The following CSGALNACT1 variants were observed in gnomAD, a reference collection of about 807,000 sequenced individuals.
The protein encoded by CSGALNACT1 is beta4GalNAcT-1.
In CSGALNACT1, 52 loss-of-function variants were observed where a neutral mutation model predicts 51.0. The ratio of observed to expected loss-of-function variants is 1.02; its 90% CI spans 0.82 to 1.29. CSGALNACT1 has a LOEUF of 1.29. Ranked by LOEUF, CSGALNACT1 falls within the 50% of genes most tolerant of loss-of-function variation. The probability of loss-of-function intolerance (pLI) is 0.00; values close to 1 mark genes in which losing one functional copy is unlikely to be tolerated. For missense variants in CSGALNACT1, 935 were observed against 679.2 expected (o/e 1.38, Z -4.19); for synonymous variants, 341 against 254.4 (o/e 1.34, Z -3.24).
chr8:19,453,172 T>G (rs1375296299), intron 5 of CSGALNACT1, among the ~76,000 whole-genome samples: 1 of 151,912 alleles, frequency 6.6e-6, no homozygotes, highest in Non-Finnish European at 1.5e-5. Context: ...TGAAAGAAAA[T>G]GTAACTCAAA....
intron 3 of CSGALNACT1, among the ~76,000 whole-genome samples, chr8:19,516,710 G>A (rs997305141): frequency 2.0e-5 from 3 of 152,198 alleles, no homozygotes; most frequent in East Asian, 1.9e-4. Flanking sequence ...CCCTCCAGCC[G>A]TGTGGCCTCC....
intron 1 of CSGALNACT1, among the ~76,000 whole-genome samples, chr8:19,647,143 T>C (rs1398578650): frequency 6.6e-6 from 1 of 152,100 alleles, no homozygotes; most frequent in African/African-American, 2.4e-5. Flanking sequence ...GGCCTTCCTA[T>C]CAGGCTGGGA....
At chr8:19,698,594 C>T (rs1387570282) in intron 1 of CSGALNACT1, among the ~76,000 whole-genome samples, 2 of 152,158 alleles carry the variant, frequency 1.3e-5, no homozygotes, top group East Asian at 3.8e-4. Flanking sequence ...GGAGGCACTA[C>T]TGATACTGCT....
chr8:19,447,963 G>A (rs1258881989), intron 5 of CSGALNACT1, among the ~76,000 whole-genome samples: 1 of 152,230 alleles, frequency 6.6e-6, no homozygotes, highest in East Asian at 1.9e-4. Context: ...CATGCTGGTG[G>A]TGGGTACGGT....
intron 8 of CSGALNACT1, among the ~76,000 whole-genome samples, chr8:19,408,910 G>T (rs2054949327): frequency 6.8e-6 from 1 of 146,708 alleles, no homozygotes; most frequent in African/African-American, 2.5e-5. Flanking sequence ...GTGATTTTTG[G>T]CACCTCTGGC....
intron 3 of CSGALNACT1, among the ~76,000 whole-genome samples, chr8:19,583,095 C>A (rs2045926705): frequency 6.6e-6 from 1 of 152,064 alleles, no homozygotes. Context: ...TTTTATTTGT[C>A]AATCATACCT....
intron 1 of CSGALNACT1, among the ~76,000 whole-genome samples, chr8:19,618,899 C>A (rs891061230): frequency 6.6e-6 from 1 of 152,006 alleles, no homozygotes; most frequent in Admixed American, 6.6e-5. Context: ...AATTCTCTAC[C>A]GCTGTAAGAG....
intron 1 of CSGALNACT1, among the ~76,000 whole-genome samples, chr8:19,626,065 G>A (rs549560862): frequency 6.6e-6 from 1 of 152,018 alleles, no homozygotes; most frequent in Non-Finnish European, 1.5e-5. Flanking sequence ...GATATACACA[G>A]GCTTCTTCTA....
At chr8:19,725,494 G>A (rs1241415792) in intron 1 of CSGALNACT1, among the ~76,000 whole-genome samples, 10 of 144,800 alleles carry the variant, frequency 6.9e-5, no homozygotes, top group East Asian at 2.0e-4. Context: ...GCGTGATCTC[G>A]GCTCACTGAA....
intron 1 of CSGALNACT1, among the ~76,000 whole-genome samples, chr8:19,626,357 A>C (rs541527628): frequency 6.6e-6 from 1 of 152,316 alleles, no homozygotes; most frequent in Admixed American, 6.5e-5. Context: ...ATGGTGTCGG[A>C]ACAACTGGCT....
At chr8:19,690,248 T>C (rs2061227083) in intron 1 of CSGALNACT1, among the ~76,000 whole-genome samples, 2 of 152,246 alleles carry the variant, frequency 1.3e-5, no homozygotes, top group Non-Finnish European at 2.9e-5. Context: ...ATTTTACCTC[T>C]TTTCCTTCCA....
At chr8:19,450,563 G>A (rs1304749229) in intron 5 of CSGALNACT1, among the ~76,000 whole-genome samples, 2 of 152,074 alleles carry the variant, frequency 1.3e-5, no homozygotes, top group Non-Finnish European at 2.9e-5. Context: ...AGGAGTGAAG[G>A]AGCCTGCCAC....
At chr8:19,522,989 G>T (rs2081020145) in intron 3 of CSGALNACT1, among the ~76,000 whole-genome samples, 1 of 152,140 alleles carries the variant, frequency 6.6e-6, no homozygotes, top group Admixed American at 6.5e-5. Context: ...CCTAGGAGAG[G>T]CATAAAATGC....
chr8:19,446,152 G>A (rs1340720540), intron 5 of CSGALNACT1, among the ~76,000 whole-genome samples: 1 of 152,178 alleles, frequency 6.6e-6, no homozygotes, highest in Non-Finnish European at 1.5e-5. Context: ...TCCAGCCTGG[G>A]CGACAGAGCG....
At chr8:19,752,834 T>C (rs908868113) in intron 1 of CSGALNACT1, among the ~76,000 whole-genome samples, 6 of 152,216 alleles carry the variant, frequency 3.9e-5, no homozygotes, top group Admixed American at 1.3e-4. Context: ...ATAAAAATTA[T>C]CTGTGCAGCA....
intron 1 of CSGALNACT1, among the ~76,000 whole-genome samples, chr8:19,633,903 C>T (rs1341216789): frequency 6.6e-6 from 1 of 152,104 alleles, no homozygotes; most frequent in African/African-American, 2.4e-5. Context: ...AGACTGGGGC[C>T]CAACCTTGCT....
intron 4 of CSGALNACT1, among the ~76,000 whole-genome samples, chr8:19,478,634 G>A (rs559268881): frequency 6.6e-6 from 1 of 152,186 alleles, no homozygotes; most frequent in Non-Finnish European, 1.5e-5. Context: ...ATGGGACACT[G>A]GTACTTCGCT....
intron 4 of CSGALNACT1, among the ~76,000 whole-genome samples, chr8:19,493,072 C>CATCTGTA: frequency 7.4e-6 from 1 of 135,186 alleles, no homozygotes; most frequent in East Asian, 2.6e-4. Flanking sequence ...AAAAAAAAAA[C>CATCTGTA]ATCTGTAAAT....
intron 3 of CSGALNACT1, among the ~76,000 whole-genome samples, chr8:19,561,996 C>G (rs142186388): frequency 6.6e-6 from 1 of 152,144 alleles, no homozygotes; most frequent in Admixed American, 6.5e-5. Context: ...TATCCTCCAC[C>G]GTGGCTTCCA....
Sources: allele counts gnomAD v4.1 joint callset (sites outside exome capture counted in the v4.1 genomes callset), GRCh38; gene constraint gnomAD v4.1.1; transcripts MANE v1.5; gene names NCBI Gene and HGNC (gene_info 2026-07-23, HGNC 2026-07-21).